MYO5C: variants seen among roughly 807,000 people sequenced by gnomAD.
MYO5C encodes the protein unconventional myosin-Vc.
A neutral mutation model predicts 235.7 loss-of-function variants in MYO5C; 194 were observed. That is an observed-to-expected ratio of 0.82 (90% confidence interval 0.73 to 0.93). The LOEUF (loss-of-function observed/expected upper bound fraction) is 0.93. Ranked by LOEUF, MYO5C falls within the 40% of genes least tolerant of loss-of-function variation. The probability of loss-of-function intolerance (pLI) is 0.00; values close to 1 mark genes in which losing one functional copy is unlikely to be tolerated. For synonymous variants in MYO5C, 707 were observed against 754.8 expected (o/e 0.94, Z 1.04); for missense variants, 2,038 against 2,127.2 (o/e 0.96, Z 0.82).
intron 1 of MYO5C, among the ~76,000 whole-genome samples, chr15:52,290,323 A>G (rs1191241907): frequency 3.3e-5 from 5 of 152,112 alleles, no homozygotes; most frequent in African/African-American, 1.2e-4. Context: ...ACATAATACA[A>G]TGGATACATT....
intron 1 of MYO5C, among the ~76,000 whole-genome samples, chr15:52,286,639 G>A (rs1453947256): frequency 3.3e-5 from 5 of 152,060 alleles, no homozygotes; most frequent in South Asian, 2.1e-4. Flanking sequence ...CTGTGACCTT[G>A]CCCCCAACCC....
At chr15:52,207,242 T>C (rs776352715) in intron 36 of MYO5C, among the ~76,000 whole-genome samples, 31 of 151,926 alleles carry the variant, frequency 2.0e-4, no homozygotes, top group Middle Eastern at 6.8e-3. Flanking sequence ...GAAAAAGCAG[T>C]CAGACAGGGA....
chr15:52,248,092 T>A (rs542625976), intron 14 of MYO5C, among the ~76,000 whole-genome samples: 2 of 152,344 alleles, frequency 1.3e-5, no homozygotes, highest in Non-Finnish European at 2.9e-5. Context: ...TTTGTATCAG[T>A]TATTTCTTTA....
At chr15:52,197,998 TA>T (rs944479827) in intron 38 of MYO5C, among the ~76,000 whole-genome samples, 1 of 151,948 alleles carries the variant, frequency 6.6e-6, no homozygotes, top group Admixed American at 6.6e-5. Context: ...ATGAAACTGC[TA>T]AAAAAAATTG....
rs1310764417 is a variant in MYO5C, at chr15:52,269,819, T to C, written c.874A>G (p.Thr292Ala). The C allele has an allele frequency of 6.2e-7, 1 of 1,613,828 alleles. No individual in the cohort carries two copies. ...EFNYTRMGGN[T>A]VIEGVNDRAE... ...CGATCATTCACACCCTCAATGACAG[T>C]ATTGCCTCCCATTCTTGTATAATTA... The change falls in exon 8 of 41, where the codon ACT (threonine) becomes GCT (alanine). Residue 292 changes from threonine to alanine, a missense_variant. Thr to Ala is a moderately conservative substitution (Grantham distance 58). Transcript: ENST00000261839.
intron 11 of MYO5C, among the ~76,000 whole-genome samples, chr15:52,254,161 A>G (rs2036533213): frequency 1.3e-5 from 2 of 152,212 alleles, no homozygotes; most frequent in Non-Finnish European, 2.9e-5. Flanking sequence ...AAATCACCTG[A>G]GACCTTCACA....
At chr15:52,216,010 T>C (rs984008921) in intron 32 of MYO5C, among the ~76,000 whole-genome samples, 1 of 152,162 alleles carries the variant, frequency 6.6e-6, no homozygotes, top group Non-Finnish European at 1.5e-5. Context: ...CGTCCACATG[T>C]TCAAGTATTT....
intron 1 of MYO5C, among the ~76,000 whole-genome samples, chr15:52,284,647 T>C (rs763218125): frequency 3.3e-5 from 5 of 152,276 alleles, no homozygotes; most frequent in South Asian, 4.1e-4. Flanking sequence ...TTAATATGCA[T>C]ACTAAAATAT....
chr15:52,211,524 C>T (rs934545597), intron 35 of MYO5C, among the ~76,000 whole-genome samples: 2 of 152,170 alleles, frequency 1.3e-5, no homozygotes, highest in Non-Finnish European at 2.9e-5. Context: ...GTTGCAGTCT[C>T]GCCGGTAAGG....
chr15:52,282,695 C>T (rs1005173303), intron 2 of MYO5C, 87 bp downstream of exon 2: 10 of 950,848 alleles, frequency 1.1e-5, no homozygotes, highest in Non-Finnish European at 1.7e-5. Context: ...TGGGTGCCTC[C>T]CACGGGGTCC....
chr15:52,275,730 A>G lies in MYO5C; in HGVS notation c.450-12T>C, dbSNP rs1164987081. 1 of 1,613,048 alleles carries G rather than the reference A, an allele frequency of 6.2e-7. No individual in the cohort carries two copies. The highest frequency in any genetic ancestry group is 2.2e-5 in the East Asian group (1 of 44,874). ...GGTTTCTGTTGTTTCTAAAGCAAAT[A>G]AAAGTTTTCAAATATTAGTTTCTTC... On this transcript the variant is annotated splice_polypyrimidine_tract_variant and intron_variant, in intron 4 of 40. Transcript: ENST00000261839.
At position 52,205,052 on chromosome 15, in the gene MYO5C, C is replaced by T. The variant is rs199835263; in HGVS notation, c.4633G>A (p.Gly1545Ser). Residue 1545 changes from glycine to serine, a missense_variant, in exon 38 of 41, where the codon GGC becomes AGC. Gly to Ser is a moderately conservative substitution (Grantham distance 56). Coordinates refer to ENST00000261839, the MANE Select transcript of MYO5C (RefSeq NM_018728.4). ...KRSSSIDDTDGYTMTSVLQQL... is the reference protein window; with the variant it reads ...KRSSSIDDTDSYTMTSVLQQL... ...TGCAGGACGGAGGTCATGGTGTAGCCGTCCGTGTCGTCTATGCTAGAGGAG... is the reference window on the plus strand; with the variant it reads ...TGCAGGACGGAGGTCATGGTGTAGCTGTCCGTGTCGTCTATGCTAGAGGAG... 111 of 1,614,130 alleles carry T rather than the reference C, an allele frequency of 6.9e-5. No homozygotes were observed. The Admixed American group carries it at 1.5e-3, about 21-fold the overall frequency.
intron 35 of MYO5C, among the ~76,000 whole-genome samples, chr15:52,210,539 G>A (rs2035422935): frequency 6.6e-6 from 1 of 152,150 alleles, no homozygotes; most frequent in Non-Finnish European, 1.5e-5. Context: ...AAGAGAGAGA[G>A]AGAAGGTTTT....
chr15:52,223,301 A>ACG (rs1457315906), intron 29 of MYO5C, among the ~76,000 whole-genome samples: 5 of 152,194 alleles, frequency 3.3e-5, no homozygotes, highest in African/African-American at 1.2e-4. Context: ...ATACACACTT[A>ACG]CGCGCACACA....
At chr15:52,228,879 C>G (rs2035888165) in intron 25 of MYO5C, among the ~76,000 whole-genome samples, 1 of 152,308 alleles carries the variant, frequency 6.6e-6, no homozygotes, top group Non-Finnish European at 1.5e-5. Flanking sequence ...GTATTCTCTA[C>G]ATCGACATAT....
At chr15:52,207,754 C>A (rs2035353610) in intron 36 of MYO5C, among the ~76,000 whole-genome samples, 1 of 152,096 alleles carries the variant, frequency 6.6e-6, no homozygotes, top group Non-Finnish European at 1.5e-5. Context: ...ACAGTCTATC[C>A]ATATGATATA....
chr15:52,229,155 G>A lies in MYO5C; in HGVS notation c.3185C>T (p.Ala1062Val). 5 of 1,614,140 alleles carry A rather than the reference G, an allele frequency of 3.1e-6. No individual in the cohort carries two copies. Among genetic ancestry groups the A allele is most frequent in the Non-Finnish European group, 4.2e-6 (5 of 1,180,028 alleles). Residue 1062 changes from alanine to valine, a missense_variant, in exon 25 of 41, where the codon GCC (alanine) becomes GTC (valine). Coordinates refer to ENST00000261839, the MANE Select transcript of MYO5C (RefSeq NM_018728.4). Reference protein sequence around the residue: ...VTSDGLKAEVARLSKQVKTIS... With the variant: ...VTSDGLKAEVVRLSKQVKTIS... ...TACCTTGACCTGCTTGCTCAGGCGG[G>A]CCACTTCCGCCTTCAAGCCATCAGA...
intron 14 of MYO5C, among the ~76,000 whole-genome samples, chr15:52,247,834 A>C (rs2036386544): frequency 1.3e-5 from 2 of 151,842 alleles, no homozygotes. Context: ...TGTGGGTATC[A>C]CTCTAAGTGT....
intron 19 of MYO5C, chr15:52,243,602 G>A (rs554470883): frequency 3.9e-5 from 6 of 152,366 alleles, no homozygotes; most frequent in Non-Finnish European, 7.3e-5. Context: ...GACGCAGCCT[G>A]ACCCTAAACG....
Sources: gnomAD v4.1 joint callset for allele counts (sites outside exome capture counted in the v4.1 genomes callset) on GRCh38, gnomAD v4.1.1 for gene constraint, MANE v1.5 for transcripts, NCBI Gene and HGNC (gene_info 2026-07-23, HGNC 2026-07-21) for gene names.